Variants in DLG2 observed in about 807,000 individuals in gnomAD.
The protein encoded by DLG2 is discs large MAGUK scaffold protein 2.
DLG2 carries 45 observed loss-of-function variants against 132.5 expected under a neutral mutation model. That is an observed-to-expected ratio of 0.34 (90% confidence interval 0.27 to 0.44). The LOEUF is 0.44. DLG2 is among the 20% of genes least tolerant of loss of function. The pLI is 1.00. For synonymous variants in DLG2, 424 were observed against 419.6 expected, an observed-to-expected ratio of 1.01 and a Z score of -0.13; for missense variants, 1,045 against 1,196.9, an observed-to-expected ratio of 0.87 and a Z score of 1.87.
intron 6 of DLG2, among the ~76,000 whole-genome samples, chr11:84,559,882 A>G (rs1205499382): frequency 6.6e-6 from 1 of 152,176 alleles, no homozygotes. Flanking sequence ...ACTATGAGAT[A>G]CAAGAAAATG....
At chr11:84,814,763 G>A (rs192350574) in intron 6 of DLG2, among the ~76,000 whole-genome samples, 4 of 152,176 alleles carry the variant, frequency 2.6e-5, no homozygotes, top group African/African-American at 4.8e-5. Context: ...AGTTAAATAT[G>A]CCTTCTCTGT....
chr11:83,633,000 A>G (rs1591340502), intron 19 of DLG2: 3 of 525,936 alleles, frequency 5.7e-6, no homozygotes, highest in Non-Finnish European at 1.0e-5. Flanking sequence ...TTTGCCAAAG[A>G]ATAACTTGAT....
At chr11:83,765,162 C>T (rs2094089319) in intron 18 of DLG2, among the ~76,000 whole-genome samples, 2 of 152,120 alleles carry the variant, frequency 1.3e-5, no homozygotes, top group South Asian at 4.1e-4. Context: ...TAAAGAAAGT[C>T]CTGGGGAACT....
At chr11:83,936,811 T>C (rs1171584882) in intron 14 of DLG2, among the ~76,000 whole-genome samples, 1 of 152,122 alleles carries the variant, frequency 6.6e-6, no homozygotes, top group African/African-American at 2.4e-5. Context: ...ACCTTGACAA[T>C]GGTGATTGTA....
chr11:85,030,316 A>T (rs1039602645), intron 6 of DLG2, among the ~76,000 whole-genome samples: 1 of 152,174 alleles, frequency 6.6e-6, no homozygotes. Context: ...TCCACTGACT[A>T]TTGACTCTTT....
intron 18 of DLG2, among the ~76,000 whole-genome samples, chr11:83,750,776 AT>A (rs1348088192): frequency 9.2e-5 from 14 of 152,166 alleles, no homozygotes; most frequent in Non-Finnish European, 1.8e-4. Context: ...AAATATGATT[AT>A]TTTTTCAATA....
chr11:83,723,235 C>G (rs911446273), intron 18 of DLG2, among the ~76,000 whole-genome samples: 1 of 151,998 alleles, frequency 6.6e-6, no homozygotes, highest in African/African-American at 2.4e-5. Context: ...CAAATATTAG[C>G]TGGGCATGGG....
chr11:83,531,941 G>A (rs545727128), intron 21 of DLG2, among the ~76,000 whole-genome samples: 5 of 140,322 alleles, frequency 3.6e-5, no homozygotes, highest in Admixed American at 2.7e-4. Context: ...ACCAGGATAG[G>A]CAAATCCATA....
At chr11:84,203,514 G>A (rs1452554848) in intron 8 of DLG2, among the ~76,000 whole-genome samples, 1 of 145,554 alleles carries the variant, frequency 6.9e-6, no homozygotes, top group Non-Finnish European at 1.5e-5. Context: ...CCCGGGAGGC[G>A]GAGCTTGCAG....
chr11:84,605,081 T>C (rs1015564670), intron 6 of DLG2, among the ~76,000 whole-genome samples: 2 of 151,956 alleles, frequency 1.3e-5, no homozygotes, highest in African/African-American at 4.8e-5. Flanking sequence ...TCAAGGCTAG[T>C]ACATAAAAAT....
intron 16 of DLG2, among the ~76,000 whole-genome samples, chr11:83,855,922 A>T (rs776442563): frequency 5.3e-5 from 8 of 152,104 alleles, no homozygotes; most frequent in Non-Finnish European, 1.2e-4. Flanking sequence ...TGTACAGGTT[A>T]TGTCATTGCC....
chr11:85,382,960 C>G (rs914278108), intron 3 of DLG2, among the ~76,000 whole-genome samples: 20 of 152,068 alleles, frequency 1.3e-4, no homozygotes, highest in Non-Finnish European at 2.5e-4. Context: ...ACCATATGAA[C>G]CAGCAATTCT....
intron 6 of DLG2, among the ~76,000 whole-genome samples, chr11:84,768,203 A>T (rs1386307976): frequency 6.6e-6 from 1 of 152,232 alleles, no homozygotes; most frequent in African/African-American, 2.4e-5. Context: ...GACGATTCTT[A>T]TCCTACCCCA....
chr11:84,851,764 T>C (rs1358615197), intron 6 of DLG2, among the ~76,000 whole-genome samples: 1 of 151,750 alleles, frequency 6.6e-6, no homozygotes, highest in Non-Finnish European at 1.5e-5. Flanking sequence ...TTTCTTAGAG[T>C]CATTAACAGA....
intron 5 of DLG2, among the ~76,000 whole-genome samples, chr11:85,145,015 G>A (rs1012840156): frequency 3.9e-5 from 6 of 152,026 alleles, no homozygotes; most frequent in African/African-American, 7.2e-5. Flanking sequence ...CACTGTTGAT[G>A]AAATCCCTCA....
chr11:83,922,179 T>C (rs982031127), intron 15 of DLG2, among the ~76,000 whole-genome samples: 12 of 152,288 alleles, frequency 7.9e-5, no homozygotes, highest in Admixed American at 2.6e-4. Context: ...GGGACAACAA[T>C]GAATGCTGTA....
Position 84,602,217 on chromosome 11 carries a change from C to T in DLG2, c.358-67486G>A, listed in dbSNP as rs2099577840. On this transcript the variant is annotated intron_variant, in intron 6 of 27. Coordinates refer to ENST00000376104, the MANE Select transcript of DLG2 (RefSeq NM_001142699.3). ...AGAGATGGAGAAGTAGGGTAGGACA[C>T]AGTAAAATAGCTGCAATAAAATCAA... is the stretch of plus-strand genomic sequence containing the variant. 4.0e-5 allele frequency among the ~76,000 whole-genome samples: 6 copies of T among 151,700 alleles called. No individual in the cohort carries two copies. The South Asian group carries it at 1.2e-3, about 31-fold the overall frequency.
At chr11:85,188,851 G>C (rs2080315943) in intron 4 of DLG2, among the ~76,000 whole-genome samples, 1 of 152,110 alleles carries the variant, frequency 6.6e-6, no homozygotes, top group African/African-American at 2.4e-5. Flanking sequence ...GAGCCTTGGA[G>C]ACCTCTAGGA....
chr11:85,573,775 C>T (rs2077985331), intron 3 of DLG2, among the ~76,000 whole-genome samples: 1 of 152,080 alleles, frequency 6.6e-6, no homozygotes, highest in Non-Finnish European at 1.5e-5. Flanking sequence ...TATTTCTAGC[C>T]CTAATCTCTG....
Sources: gnomAD v4.1 joint callset for allele counts (sites outside exome capture counted in the v4.1 genomes callset) on GRCh38, gnomAD v4.1.1 for gene constraint, MANE v1.5 for transcripts, NCBI Gene and HGNC (gene_info 2026-07-23, HGNC 2026-07-21) for gene names.